Variants in SWAP70 observed in about 807,000 individuals in gnomAD.
SWAP70 encodes switch-associated protein 70.
A neutral mutation model predicts 80.2 loss-of-function variants in SWAP70; 34 were observed. That is an observed-to-expected ratio of 0.42 (90% CI 0.32 to 0.56). The LOEUF (loss-of-function observed/expected upper bound fraction) is 0.56, where lower values mean the gene tolerates loss of function less well. Ranked by LOEUF, SWAP70 falls within the 20% of genes least tolerant of loss-of-function variation. The pLI, the probability that SWAP70 is intolerant of heterozygous loss-of-function variation, is 0.09. For missense variants in SWAP70, 578 were observed against 690.7 expected, an observed-to-expected ratio of 0.84 and a Z score of 1.83; for synonymous variants, 239 against 238.5, an observed-to-expected ratio of 1.00 and a Z score of -0.02.
intron 7 of SWAP70, among the ~76,000 whole-genome samples, chr11:9,735,378 A>C (rs950808091): frequency 6.6e-5 from 10 of 152,230 alleles, no homozygotes; most frequent in Non-Finnish European, 1.2e-4. Flanking sequence ...TCTGTTATAC[A>C]ACTGTGTCAT....
chr11:9,699,811 G>A (rs1850808455), intron 2 of SWAP70, among the ~76,000 whole-genome samples: 2 of 151,624 alleles, frequency 1.3e-5, no homozygotes, highest in African/African-American at 4.8e-5. Context: ...AGCTATGATT[G>A]TGCCACTGCA....
At chr11:9,686,834 A>G (rs1850639382) in intron 1 of SWAP70, among the ~76,000 whole-genome samples, 1 of 152,188 alleles carries the variant, frequency 6.6e-6, no homozygotes, top group African/African-American at 2.4e-5. Context: ...ATACTGCTAT[A>G]CATTGTACAA....
chr11:9,747,714 T>G, intron 9 of SWAP70, 144 bp from the exon 10 acceptor site: 1 of 764,964 alleles, frequency 1.3e-6, no homozygotes, highest in Non-Finnish European at 2.2e-6. Flanking sequence ...TATGAGCTTC[T>G]CTGGCTCCTG....
At chr11:9,677,151 A>G (rs1398865432) in intron 1 of SWAP70, among the ~76,000 whole-genome samples, 1 of 152,038 alleles carries the variant, frequency 6.6e-6, no homozygotes, top group Non-Finnish European at 1.5e-5. Flanking sequence ...TTACTTTTAA[A>G]TTATGGTATA....
At chr11:9,694,535 G>A (rs1419311017) in intron 2 of SWAP70, among the ~76,000 whole-genome samples, 1 of 152,116 alleles carries the variant, frequency 6.6e-6, no homozygotes, top group East Asian at 1.9e-4. Flanking sequence ...TGTGTTTTGT[G>A]TTAATCTGTA....
At position 9,728,134 on chromosome 11, in the gene SWAP70, T is replaced by A. The variant is rs1851250231; in HGVS notation, c.724T>A (p.Tyr242Asn). ...ACTAAAACCCAACATAATTTCTTAC[T>A]ATGTGAGTGAGGATCTGAAGGATAA... ...FVLKPNIISY[Y>N]VSEDLKDKKG... The change falls in exon 5 of 12, where the codon TAT becomes AAT. Residue 242 changes from tyrosine (Y) to asparagine (N), a missense_variant. By Grantham distance (143) the Tyr-to-Asn change is moderately radical (BLOSUM62 -2). Coordinates refer to ENST00000318950, the MANE Select transcript of SWAP70 (RefSeq NM_015055.4). The A allele has an allele frequency of 6.2e-7, 1 of 1,613,086 alleles. No homozygotes were observed. Among genetic ancestry groups the A allele is most frequent in the African/African-American group, 1.3e-5 (1 of 74,784 alleles).
At chr11:9,739,193 CT>C (rs1197548078) in intron 8 of SWAP70, among the ~76,000 whole-genome samples, 5 of 152,178 alleles carry the variant, frequency 3.3e-5, no homozygotes, top group African/African-American at 1.2e-4. Context: ...TCCAGGTTGT[CT>C]TAGGTAGTTA....
intron 4 of SWAP70, chr11:9,726,989 A>G (rs1851233448): frequency 2.2e-6 from 1 of 456,164 alleles, no homozygotes; most frequent in Non-Finnish European, 4.4e-6. Flanking sequence ...GTCCTTGAAT[A>G]TTTGGTTTAG....
chr11:9,681,840 A>T (rs1331707122), intron 1 of SWAP70, among the ~76,000 whole-genome samples: 1 of 152,174 alleles, frequency 6.6e-6, no homozygotes, highest in Non-Finnish European at 1.5e-5. Flanking sequence ...CTTGAAAAGG[A>T]TGTATGAAAT....
chr11:9,738,094 C>G (rs1564833846), intron 7 of SWAP70, 119 bp from the exon 8 acceptor site: 2 of 563,308 alleles, frequency 3.6e-6, no homozygotes, highest in Admixed American at 3.9e-5. Flanking sequence ...ATTCTATTAT[C>G]TTTATTGAAT....
intron 9 of SWAP70, among the ~76,000 whole-genome samples, chr11:9,743,170 A>T (rs1851465411): frequency 6.8e-6 from 1 of 147,456 alleles, no homozygotes; most frequent in Non-Finnish European, 1.5e-5. Flanking sequence ...TGTTCTTGCG[A>T]TAGTTTACTG....
intron 9 of SWAP70, among the ~76,000 whole-genome samples, chr11:9,742,459 C>T (rs906064941): frequency 1.3e-5 from 2 of 151,910 alleles, no homozygotes; most frequent in South Asian, 2.1e-4. Context: ...GCCTCAGCCT[C>T]CCGAGTAGCT....
At chr11:9,737,365 T>C (rs118116422) in intron 7 of SWAP70, among the ~76,000 whole-genome samples, 4,056 of 152,208 alleles carry the variant, frequency 0.027, 105 homozygotes, top group Middle Eastern at 0.054. Context: ...TTACTGAGAG[T>C]TAGATTTTCT....
At chr11:9,736,168 A>T (rs1851360585) in intron 7 of SWAP70, among the ~76,000 whole-genome samples, 1 of 151,946 alleles carries the variant, frequency 6.6e-6, no homozygotes, top group African/African-American at 2.4e-5. Context: ...CAGTTATGGG[A>T]CTTTTTACTT....
intron 1 of SWAP70, among the ~76,000 whole-genome samples, chr11:9,673,768 G>A (rs1016803249): frequency 6.6e-6 from 1 of 152,126 alleles, no homozygotes; most frequent in South Asian, 2.1e-4. Flanking sequence ...TAGAAAGGTT[G>A]GGGGAGATGA....
chr11:9,723,159 G>A (rs1391251857), intron 3 of SWAP70, among the ~76,000 whole-genome samples: 1 of 152,160 alleles, frequency 6.6e-6, no homozygotes, highest in African/African-American at 2.4e-5. Flanking sequence ...GGCAGAATAT[G>A]TATAAAAGGT....
intron 2 of SWAP70, among the ~76,000 whole-genome samples, chr11:9,702,221 T>G (rs775036469): frequency 2.2e-4 from 33 of 152,142 alleles, no homozygotes; most frequent in Admixed American, 3.9e-4. Context: ...TTTCTTCTGT[T>G]AATGAAATGA....
chr11:9,664,533 G>A (rs1025917999), intron 1 of SWAP70, among the ~76,000 whole-genome samples: 13 of 152,252 alleles, frequency 8.5e-5, no homozygotes, highest in Non-Finnish European at 1.9e-4. Flanking sequence ...AGGGTGGCGG[G>A]CATAAGGCTG....
rs1239937099 is a variant in SWAP70 at position 9,721,067 on chromosome 11, T to C, written c.415-3591T>C. ...CTGGCTTCAGGTGATCTGCCCGCCTTGGCCTCCCAAATTGCTGGGATGACA... is the reference window on the plus strand; with the variant it reads ...CTGGCTTCAGGTGATCTGCCCGCCTCGGCCTCCCAAATTGCTGGGATGACA... On this transcript the variant is annotated intron_variant, in intron 3 of 11. Coordinates refer to ENST00000318950, the MANE Select transcript of SWAP70 (RefSeq NM_015055.4). Among the ~76,000 whole-genome samples, 3 of 152,234 alleles carry C rather than the reference T, an allele frequency of 2.0e-5. No homozygotes were observed. In the East Asian group the frequency reaches 5.8e-4, roughly 29 times the overall value.
Sources: allele counts gnomAD v4.1 joint callset (sites outside exome capture counted in the v4.1 genomes callset), GRCh38; gene constraint gnomAD v4.1.1; transcripts MANE v1.5; gene names NCBI Gene and HGNC (gene_info 2026-07-23, HGNC 2026-07-21).